Variants in ZNF516 observed in about 807,000 individuals in gnomAD.
ZNF516 encodes zinc finger protein 516.
Under a neutral mutation model 79.7 loss-of-function variants are expected in ZNF516, and 19 were observed. That is an observed-to-expected ratio of 0.24 (90% CI 0.17 to 0.35). The LOEUF (loss-of-function observed/expected upper bound fraction) is 0.35. Among genes scored for constraint, ZNF516 ranks in the 10% least tolerant of loss-of-function variants. The pLI, the probability that ZNF516 is intolerant of heterozygous loss-of-function variation, is 1.00. For synonymous variants in ZNF516, 877 were observed against 739.5 expected, an observed-to-expected ratio of 1.19 and a Z score of -3.02; for missense variants, 1,678 against 1,679.5, an observed-to-expected ratio of 1.00 and a Z score of 0.02.
At chr18:76,404,416 A>T (rs746950777) in intron 3 of ZNF516, among the ~76,000 whole-genome samples, 1 of 151,978 alleles carries the variant, frequency 6.6e-6, no homozygotes, top group Non-Finnish European at 1.5e-5. Flanking sequence ...TGTGGGGGTG[A>T]GTGAGCATGT....
chr18:76,362,775 G>C (rs541727304), intron 6 of ZNF516, among the ~76,000 whole-genome samples: 1 of 152,294 alleles, frequency 6.6e-6, no homozygotes, highest in East Asian at 1.9e-4. Flanking sequence ...CTGCCTTAAA[G>C]AGAGGCAGCT....
rs550120654 is a variant in ZNF516, at chr18:76,487,545, TTC to T, written c.-272+7597_-272+7598del. 2.2e-3 allele frequency among the ~76,000 whole-genome samples: 337 copies of T among 152,370 alleles called. 2 individuals carry two copies. The highest frequency in any genetic ancestry group is 3.5e-3 in the Non-Finnish European group (237 of 68,040). Reference sequence around the variant, plus strand: ...CATTCTAAAGTCATAGTAAAAGTTGTTCTTTCTTCCTCCTCCTCCCATAAGGT... The same window carrying T: ...CATTCTAAAGTCATAGTAAAAGTTGTTTTCTTCCTCCTCCTCCCATAAGGT... On this transcript the variant is annotated intron_variant, in intron 1 of 6. Coordinates refer to ENST00000443185, the MANE Select transcript of ZNF516 (RefSeq NM_014643.4).
chr18:76,398,082 C>T (rs373023519), intron 3 of ZNF516, among the ~76,000 whole-genome samples: 3 of 152,232 alleles, frequency 2.0e-5, no homozygotes, highest in East Asian at 1.9e-4. Context: ...CGGCATAAAA[C>T]ATAATCAGGT....
At chr18:76,487,863 G>A in intron 1 of ZNF516, 1 of 887,364 alleles carries the variant, frequency 1.1e-6, no homozygotes, top group Non-Finnish European at 1.4e-6. Context: ...GTAATAGGCT[G>A]CTGCCACTAC....
intron 3 of ZNF516, among the ~76,000 whole-genome samples, chr18:76,409,749 C>T (rs2075350019): frequency 6.6e-6 from 1 of 152,248 alleles, no homozygotes; most frequent in South Asian, 2.1e-4. Context: ...ATTTCCCAGA[C>T]TGCCTTGCAG....
chr18:76,380,735 CAG>C (rs1256012604), intron 3 of ZNF516, among the ~76,000 whole-genome samples: 3 of 152,126 alleles, frequency 2.0e-5, no homozygotes, highest in Admixed American at 6.5e-5. Context: ...GTAAGAAAAC[CAG>C]AGAAGTTGGG....
In ZNF516 at chr18:76,441,599, C is replaced by T. The variant is rs2075823493; in HGVS notation, c.1456G>A (p.Asp486Asn). Reference sequence around the variant, plus strand: ...TCGAGGTGGCCGGCGGGCGCGGGGTCCCCAGGCCCGCTCGCGCGCTTCCGC... The same window carrying T: ...TCGAGGTGGCCGGCGGGCGCGGGGTTCCCAGGCCCGCTCGCGCGCTTCCGC... ...PPRKRASGPG[D>N]PAPAGHLDPR... The change falls in exon 3 of 7, where the codon GAC becomes AAC. Residue 486 changes from aspartate (D) to asparagine (N), a missense_variant. Around this residue, in one of 5 missense-constraint regions of ZNF516, gnomAD observed 1,294 missense variants for 1,248.3 expected, o/e 1.04. Transcript: ENST00000443185. The T allele has an allele frequency of 2.7e-6, 4 of 1,472,480 alleles. No homozygotes were observed. Among genetic ancestry groups the T allele is most frequent in the East Asian group, 2.7e-5 (1 of 37,076 alleles). 91.2% of individuals were successfully genotyped at this position (1,472,480 alleles called of 1,614,324 possible). A position where few individuals can be genotyped will look rare whatever the true frequency, so the allele number is the denominator to read the frequency against.
intron 3 of ZNF516, among the ~76,000 whole-genome samples, chr18:76,414,203 C>T (rs994623746): frequency 3.3e-5 from 5 of 152,184 alleles, no homozygotes; most frequent in Middle Eastern, 3.2e-3. Flanking sequence ...CAATTGTTTA[C>T]AATCCAGTTG....
chr18:76,373,286 G>A (rs1282964997), intron 4 of ZNF516, among the ~76,000 whole-genome samples: 1 of 151,044 alleles, frequency 6.6e-6, no homozygotes, highest in Non-Finnish European at 1.5e-5. Context: ...CAGGAGAGGA[G>A]AAAAGGGAGG....
intron 1 of ZNF516, among the ~76,000 whole-genome samples, chr18:76,474,110 G>GA (rs1914040807): frequency 6.6e-6 from 1 of 152,104 alleles, no homozygotes; most frequent in Non-Finnish European, 1.5e-5. Flanking sequence ...AATGCATTTA[G>GA]AAACAGCTAC....
chr18:76,458,490 A>G (rs1473631962), intron 2 of ZNF516, among the ~76,000 whole-genome samples: 1 of 152,204 alleles, frequency 6.6e-6, no homozygotes, highest in African/African-American at 2.4e-5. Context: ...TCTCCCTCCC[A>G]ACACAGATGT....
In ZNF516 at chr18:76,451,826, C is replaced by A. The variant is rs1945763843; in HGVS notation, c.-157-8615G>T. On this transcript the variant is annotated intron_variant, in intron 2 of 6. Transcript: ENST00000443185. This position sits in a 1 kb window ranked among gnomAD's most constrained non-coding sequence, Gnocchi z 6.0. ...TGAGACAAAAAGCCTATTCTCTCAA[C>A]AAATGGGGGAAAATTCCATCACAAC... Among the ~76,000 whole-genome samples the A allele has an allele frequency of 6.6e-6, 1 of 152,198 alleles. No individual in the cohort carries two copies. Among genetic ancestry groups the A allele is most frequent in the Non-Finnish European group, 1.5e-5 (1 of 68,022 alleles).
chr18:76,480,434 T>A (rs1914442248), intron 1 of ZNF516, among the ~76,000 whole-genome samples: 2 of 151,928 alleles, frequency 1.3e-5, no homozygotes, highest in South Asian at 4.2e-4. Context: ...CCACCTGTTT[T>A]TGTACAGCCA....
At chr18:76,410,477 G>T (rs866049559) in intron 3 of ZNF516, among the ~76,000 whole-genome samples, 2 of 152,124 alleles carry the variant, frequency 1.3e-5, no homozygotes, top group Non-Finnish European at 2.9e-5. Context: ...GCCTTGCCTC[G>T]AACAGGTCCC....
intron 5 of ZNF516, 136 bp from the exon 6 acceptor site, chr18:76,370,731 T>G: frequency 1.5e-6 from 1 of 670,224 alleles, no homozygotes; most frequent in African/African-American, 1.9e-5. Context: ...AATACCAATT[T>G]ACCGTAACAC....
intron 3 of ZNF516, among the ~76,000 whole-genome samples, chr18:76,401,146 T>C (rs953139940): frequency 5.3e-5 from 8 of 152,068 alleles, no homozygotes; most frequent in African/African-American, 1.7e-4. Flanking sequence ...ATCCTACTGC[T>C]CAAGGTTGTC....
intron 2 of ZNF516, among the ~76,000 whole-genome samples, chr18:76,452,376 C>A (rs191876406): frequency 6.6e-6 from 1 of 152,288 alleles, no homozygotes; most frequent in East Asian, 1.9e-4. Flanking sequence ...TAGCACCCCC[C>A]AAATAAATCA....
intron 3 of ZNF516, among the ~76,000 whole-genome samples, chr18:76,392,523 G>C (rs35524738): frequency 0.037 from 5,255 of 142,300 alleles, 111 homozygotes; most frequent in Middle Eastern, 0.06. Flanking sequence ...TAGGTGGCCA[G>C]GTGGGGGAAA....
At chr18:76,382,801 T>C (rs913238664) in intron 3 of ZNF516, among the ~76,000 whole-genome samples, 8 of 152,128 alleles carry the variant, frequency 5.3e-5, no homozygotes, top group African/African-American at 1.7e-4. Flanking sequence ...ATACCAGCAC[T>C]TTGGGAAGCC....
Sources: gnomAD v4.1 joint callset for allele counts (sites outside exome capture counted in the v4.1 genomes callset) on GRCh38, gnomAD v4.1.1 for gene constraint, gnomAD v4.1.1 regional missense constraint, Gnocchi (gnomAD v3.1) non-coding constraint, MANE v1.5 for transcripts, NCBI Gene and HGNC (gene_info 2026-07-23, HGNC 2026-07-21) for gene names.